The following SEMA3A variants were observed in gnomAD, a reference collection of about 807,000 sequenced individuals.
The protein encoded by SEMA3A is semaphorin-3A.
A neutral mutation model predicts 97.9 loss-of-function variants in SEMA3A; 29 were observed. The observed-to-expected ratio is 0.30, with a 90% CI of 0.22 to 0.40. The LOEUF (loss-of-function observed/expected upper bound fraction) is 0.40, where lower values mean the gene tolerates loss of function less well. Among genes scored for constraint, SEMA3A ranks in the 10% least tolerant of loss-of-function variants. The pLI, the probability that SEMA3A is intolerant of heterozygous loss-of-function variation, is 1.00. For synonymous variants in SEMA3A, 321 were observed against 323.7 expected, an observed-to-expected ratio of 0.99 and a Z score of 0.09; for missense variants, 763 against 951.3, an observed-to-expected ratio of 0.80 and a Z score of 2.60.
chr7:84,036,284 G>A (rs1366703805), intron 6 of SEMA3A, among the ~76,000 whole-genome samples: 1 of 152,058 alleles, frequency 6.6e-6, no homozygotes, highest in Non-Finnish European at 1.5e-5. Context: ...AGACTTCTAG[G>A]GTTTTTCATT....
intron 4 of SEMA3A, among the ~76,000 whole-genome samples, chr7:84,071,747 C>CT (rs1221618704): frequency 6.6e-6 from 1 of 151,838 alleles, no homozygotes; most frequent in Non-Finnish European, 1.5e-5. Context: ...GCATGTATTC[C>CT]TTTTTTTATT....
chr7:84,195,910 G>T (rs1027569656), upstream of SEMA3A, among the ~76,000 whole-genome samples: 1 of 152,148 alleles, frequency 6.6e-6, no homozygotes, highest in African/African-American at 2.4e-5. Context: ...GGACGTATAG[G>T]CATGTATTCA....
intron 5 of SEMA3A, among the ~76,000 whole-genome samples, chr7:84,048,766 A>T (rs1367596886): frequency 6.6e-6 from 1 of 152,118 alleles, no homozygotes; most frequent in Non-Finnish European, 1.5e-5. Flanking sequence ...AATAGGAAAT[A>T]TTAGAGTAAA....
chr7:84,474,075 A>G (rs975438448), intron 1 of SEMA3A, among the ~76,000 whole-genome samples: 1 of 152,128 alleles, frequency 6.6e-6, no homozygotes, highest in African/African-American at 2.4e-5. Flanking sequence ...AACTCTTTCA[A>G]TTTTCTTATC....
At chr7:84,468,391 A>G (rs1037692031) in intron 1 of SEMA3A, among the ~76,000 whole-genome samples, 11 of 152,164 alleles carry the variant, frequency 7.2e-5, no homozygotes, top group Non-Finnish European at 1.3e-4. Context: ...TAATGGTTAT[A>G]ACTACACTCC....
intron 1 of SEMA3A, among the ~76,000 whole-genome samples, chr7:84,477,881 T>C (rs1396748146): frequency 2.6e-5 from 4 of 152,348 alleles, no homozygotes; most frequent in Admixed American, 2.0e-4. Context: ...ATGGTCAATG[T>C]TGGCATTTGA....
intron 1 of SEMA3A, among the ~76,000 whole-genome samples, chr7:84,397,767 CA>C (rs1803777121): frequency 6.6e-6 from 1 of 151,984 alleles, no homozygotes; most frequent in South Asian, 2.1e-4. Flanking sequence ...AGGAGTCAGA[CA>C]AAACCTTCTA....
chr7:83,963,626 A>G (rs572930701), intron 15 of SEMA3A, among the ~76,000 whole-genome samples: 1 of 152,336 alleles, frequency 6.6e-6, no homozygotes, highest in Non-Finnish European at 1.5e-5. Flanking sequence ...TGTGTAGCAT[A>G]ACTATACGTC....
intron 2 of SEMA3A, among the ~76,000 whole-genome samples, chr7:84,314,479 T>C (rs975916020): frequency 6.6e-6 from 1 of 152,164 alleles, no homozygotes; most frequent in African/African-American, 2.4e-5. Context: ...CTGCTCTTGC[T>C]CTTTTCTTTC....
At chr7:84,475,782 C>A (rs965412660) in intron 1 of SEMA3A, among the ~76,000 whole-genome samples, 5 of 152,238 alleles carry the variant, frequency 3.3e-5, no homozygotes, top group African/African-American at 1.2e-4. Flanking sequence ...GCTTTCATCC[C>A]TAGACACTTG....
At chr7:84,156,658 G>C (rs1796854681) in intron 1 of SEMA3A, among the ~76,000 whole-genome samples, 1 of 152,096 alleles carries the variant, frequency 6.6e-6, no homozygotes, top group Non-Finnish European at 1.5e-5. Context: ...ATACAGTGAA[G>C]ATACACATGT....
chr7:84,036,768 A>G (rs905253534), intron 6 of SEMA3A, among the ~76,000 whole-genome samples: 1 of 152,080 alleles, frequency 6.6e-6, no homozygotes, highest in Admixed American at 6.6e-5. Context: ...ATAGTATCTT[A>G]ATTGTTTTTA....
chr7:84,108,384 G>C (rs1375416450), intron 4 of SEMA3A, among the ~76,000 whole-genome samples: 1 of 152,006 alleles, frequency 6.6e-6, no homozygotes, highest in African/African-American at 2.4e-5. Flanking sequence ...GTCATACTGT[G>C]CTAGGAGCAG....
At chr7:84,096,364 T>C (rs1794773147) in intron 4 of SEMA3A, among the ~76,000 whole-genome samples, 1 of 152,080 alleles carries the variant, frequency 6.6e-6, no homozygotes, top group African/African-American at 2.4e-5. Context: ...ACTTATTTTT[T>C]AGCAAGAATT....
At chr7:84,102,110 T>C (rs906878490) in intron 4 of SEMA3A, among the ~76,000 whole-genome samples, 2 of 152,140 alleles carry the variant, frequency 1.3e-5, no homozygotes, top group African/African-American at 4.8e-5. Context: ...CTAACTTTGA[T>C]AGACTCTAAT....
intron 3 of SEMA3A, among the ~76,000 whole-genome samples, chr7:84,224,315 T>C (rs1439684113): frequency 1.3e-5 from 2 of 151,962 alleles, no homozygotes; most frequent in Non-Finnish European, 2.9e-5. Flanking sequence ...ACAATTAAAG[T>C]TTTTTACTTT....
At chr7:84,445,858 G>C (rs1649199935) in intron 1 of SEMA3A, among the ~76,000 whole-genome samples, 1 of 149,846 alleles carries the variant, frequency 6.7e-6, no homozygotes, top group South Asian at 2.1e-4. Flanking sequence ...TTAGAGAAGA[G>C]GAAAACAAAA....
intron 1 of SEMA3A, among the ~76,000 whole-genome samples, chr7:84,179,372 T>C (rs1797665571): frequency 6.6e-6 from 1 of 152,198 alleles, no homozygotes; most frequent in Non-Finnish European, 1.5e-5. Context: ...CATACATTAA[T>C]GCCTCAAGTC....
chr7:84,298,589 A>C (rs542224951), intron 3 of SEMA3A, among the ~76,000 whole-genome samples: 27 of 152,292 alleles, frequency 1.8e-4, no homozygotes, highest in East Asian at 5.8e-4. Context: ...CCAGAAGAAG[A>C]GATGAGGAGG....
Sources: gnomAD v4.1 joint callset for allele counts (sites outside exome capture counted in the v4.1 genomes callset) on GRCh38, gnomAD v4.1.1 for gene constraint, MANE v1.5 for transcripts, NCBI Gene and HGNC (gene_info 2026-07-23, HGNC 2026-07-21) for gene names.